CELF2: variants seen among roughly 807,000 people sequenced by gnomAD.
CELF2 encodes the protein CUGBP Elav-like family member 2.
A neutral mutation model predicts 62.6 loss-of-function variants in CELF2; 8 were observed. The observed-to-expected ratio is 0.13, with a 90% CI of 0.07 to 0.23. The LOEUF (loss-of-function observed/expected upper bound fraction) is 0.23, where lower values mean the gene tolerates loss of function less well. Ranked by LOEUF, CELF2 falls within the 10% of genes least tolerant of loss-of-function variation. The pLI is 1.00. For missense variants in CELF2, 333 were observed against 671.0 expected (o/e 0.50, Z 5.56); for synonymous variants, 258 against 250.0 (o/e 1.03, Z -0.30).
At chr10:10,560,721 C>T in the CELF2 span, among the ~76,000 whole-genome samples, 10 of 152,152 alleles carry the variant, frequency 6.6e-5, no homozygotes, top group East Asian at 3.8e-4. Flanking sequence ...TACTTGTACA[C>T]GCATGTTTAT....
chr10:10,766,551 G>T, the CELF2 span, among the ~76,000 whole-genome samples: 2 of 152,204 alleles, frequency 1.3e-5, no homozygotes, highest in Non-Finnish European at 2.9e-5. Context: ...GGGGAATGGA[G>T]CCAGGGGAGG....
Position 11,321,508 on chromosome 10 carries a change from T to G in CELF2, c.1294+122T>G. ...GTCATAACAGAAAGCAGTTGTTTTG[T>G]TATTCATGTTTAAAAAAAAAAAAAA... On this transcript the variant is annotated intron_variant, in intron 11 of 12. Transcript: ENST00000633077. This position sits in a 1 kb window ranked among gnomAD's most constrained non-coding sequence, Gnocchi z 6.2. 1 of 766,296 alleles carries G rather than the reference T, an allele frequency of 1.3e-6. No individual in the cohort carries two copies. 47.5% of individuals were successfully genotyped at this position (766,296 alleles called of 1,614,324 possible). A position where few individuals can be genotyped will look rare whatever the true frequency, so the allele number is the denominator to read the frequency against.
At chr10:10,506,830 A>C in the CELF2 span, among the ~76,000 whole-genome samples, 6 of 151,524 alleles carry the variant, frequency 4.0e-5, no homozygotes, top group Middle Eastern at 6.8e-3. Flanking sequence ...ACGCCTGGCT[A>C]ATTTTTGTAT....
chr10:10,875,664 G>C (rs545018379), intron 1 of CELF2, among the ~76,000 whole-genome samples: 1 of 152,254 alleles, frequency 6.6e-6, no homozygotes, highest in South Asian at 2.1e-4. Context: ...GGGAGGATGA[G>C]GGATAAGCAC....
the CELF2 span, among the ~76,000 whole-genome samples, chr10:10,561,457 C>G: frequency 2.6e-5 from 4 of 152,158 alleles, no homozygotes; most frequent in Admixed American, 6.5e-5. Flanking sequence ...GAGCAGTAAA[C>G]AAAATAGAAC....
the CELF2 span, among the ~76,000 whole-genome samples, chr10:10,787,636 G>A: frequency 0.013 from 1,994 of 152,262 alleles, 58 homozygotes; most frequent in African/African-American, 0.045. Flanking sequence ...TAATTAATTC[G>A]TTTGAGCTTT....
At chr10:11,094,468 G>C (rs547593563) in intron 1 of CELF2, among the ~76,000 whole-genome samples, 1 of 152,264 alleles carries the variant, frequency 6.6e-6, no homozygotes, top group Non-Finnish European at 1.5e-5. Context: ...ACTTGGGAAT[G>C]TTTAGTAAAT....
chr10:10,686,208 C>T, the CELF2 span, among the ~76,000 whole-genome samples: 217 of 149,256 alleles, frequency 1.5e-3, no homozygotes, highest in African/African-American at 5.2e-3. Flanking sequence ...CTGGGAAAAA[C>T]GTTTGAAGTT....
the CELF2 span, among the ~76,000 whole-genome samples, chr10:10,623,078 T>C: frequency 3.8e-5 from 3 of 78,374 alleles, no homozygotes; most frequent in African/African-American, 1.7e-4. Context: ...AGAGAGAGAC[T>C]CCGTCTCAAA....
chr10:10,713,258 A>G, the CELF2 span, among the ~76,000 whole-genome samples: 11 of 152,314 alleles, frequency 7.2e-5, no homozygotes, highest in East Asian at 1.9e-4. Flanking sequence ...CATAATGTCT[A>G]TTCCTGAAAT....
the CELF2 span, among the ~76,000 whole-genome samples, chr10:10,475,163 A>G: frequency 6.6e-6 from 1 of 152,092 alleles, no homozygotes; most frequent in African/African-American, 2.4e-5. Flanking sequence ...TTTTGTGTAC[A>G]CATTTGATGA....
chr10:10,693,709 G>C, the CELF2 span, among the ~76,000 whole-genome samples: 5 of 151,572 alleles, frequency 3.3e-5, no homozygotes, highest in South Asian at 2.1e-4. Flanking sequence ...TGTCTATTCA[G>C]AGATTCAACT....
chr10:10,505,449 G>A, the CELF2 span, among the ~76,000 whole-genome samples: 1 of 152,092 alleles, frequency 6.6e-6, no homozygotes, highest in African/African-American at 2.4e-5. Context: ...GCTCAGCAGA[G>A]ATGAGAAAAG....
At chr10:11,155,556 T>C (rs1450993048) in intron 1 of CELF2, among the ~76,000 whole-genome samples, 1 of 152,162 alleles carries the variant, frequency 6.6e-6, no homozygotes, top group Non-Finnish European at 1.5e-5. Context: ...GTGACATACG[T>C]TTCTGTCTGC....
the CELF2 span, among the ~76,000 whole-genome samples, chr10:10,704,000 A>C: frequency 6.6e-6 from 1 of 152,234 alleles, no homozygotes; most frequent in African/African-American, 2.4e-5. Flanking sequence ...GCAATGGATT[A>C]AAATATCCTT....
At chr10:11,299,505 T>C (rs1019785292) in intron 9 of CELF2, among the ~76,000 whole-genome samples, 2 of 151,742 alleles carry the variant, frequency 1.3e-5, no homozygotes, top group African/African-American at 4.8e-5. Context: ...GTCAGTGACA[T>C]GGTGACATGG....
the CELF2 span, among the ~76,000 whole-genome samples, chr10:10,791,746 G>T: frequency 6.6e-6 from 1 of 152,152 alleles, no homozygotes; most frequent in East Asian, 1.9e-4. Flanking sequence ...ACCAGCACTG[G>T]TCTGTGGATT....
In CELF2 at chr10:11,328,540, C is replaced by T. The variant is rs771287011; in HGVS notation, c.1439-386C>T. On this transcript the variant is annotated intron_variant, in intron 12 of 12. Transcript: ENST00000633077. The surrounding 1 kb of genome is among the most constrained non-coding windows in gnomAD (Gnocchi z 6.4). ...GGCCCCCACAGCCCTGAAATATTTACACCACTGCTTGTATGAGTAGCATGT... is the reference window on the plus strand; with the variant it reads ...GGCCCCCACAGCCCTGAAATATTTATACCACTGCTTGTATGAGTAGCATGT... Among the ~76,000 whole-genome samples the T allele has an allele frequency of 1.3e-5, 2 of 152,196 alleles. No homozygotes were observed. Among genetic ancestry groups the T allele is most frequent in the Non-Finnish European group, 2.9e-5 (2 of 68,034 alleles).
In CELF2 at chr10:11,033,257, A is replaced by ATT. The variant is rs199975812; in HGVS notation, c.74+15113_74+15114dup. ...CAAATACTGTCTCAATGTTCAGGGC[A>ATT]TTTTTTTTTTTTTTTTTTTTAGACA... On this transcript the variant is annotated intron_variant, in intron 1 of 12. Transcript: ENST00000633077. Among the ~76,000 whole-genome samples, 305 of 139,126 alleles carry ATT rather than the reference A, an allele frequency of 2.2e-3. 3 individuals carry two copies. The highest frequency in any genetic ancestry group is 7.5e-3 in the African/African-American group (276 of 36,828). 91.3% of individuals were successfully genotyped at this position (139,126 alleles called of 152,430 possible).
Sources: gnomAD v4.1 joint callset for allele counts (sites outside exome capture counted in the v4.1 genomes callset) on GRCh38, gnomAD v4.1.1 for gene constraint, Gnocchi (gnomAD v3.1) non-coding constraint, MANE v1.5 for transcripts, NCBI Gene and HGNC (gene_info 2026-07-23, HGNC 2026-07-21) for gene names.